The following PLA2G4A variants were observed in gnomAD, a reference collection of about 807,000 sequenced individuals.
PLA2G4A encodes the protein phospholipase A2 group IVA, also known as cytosolic phospholipase A2.
In PLA2G4A, 40 loss-of-function variants were observed where a neutral mutation model predicts 81.9. That is an observed-to-expected ratio of 0.49 (90% confidence interval 0.38 to 0.64). The LOEUF (loss-of-function observed/expected upper bound fraction) is 0.64, where lower values mean the gene tolerates loss of function less well. Among genes scored for constraint, PLA2G4A ranks in the 30% least tolerant of loss-of-function variants. The pLI is 0.00. For synonymous variants in PLA2G4A, 302 were observed against 296.9 expected, an observed-to-expected ratio of 1.02 and a Z score of -0.18; for missense variants, 715 against 905.1, an observed-to-expected ratio of 0.79 and a Z score of 2.69.
chr1:186,970,642 G>T (rs143337593), intron 15 of PLA2G4A, among the ~76,000 whole-genome samples: 1 of 151,832 alleles, frequency 6.6e-6, no homozygotes, highest in East Asian at 1.9e-4. Flanking sequence ...CAGTTTTCCC[G>T]GAACCATTTT....
Position 186,918,961 on chromosome 1 carries a change from C to G in PLA2G4A, c.558+7572C>G, listed in dbSNP as rs532748434. 7.2e-5 allele frequency among the ~76,000 whole-genome samples: 11 copies of G among 152,204 alleles called. No homozygotes were observed. In the East Asian group the frequency reaches 1.9e-3, roughly 27 times the overall value. ...CAGGGTCCTTAGACATAGTGGCCAG[C>G]CTTTGGAAACCCATCTAGTTGTTTT... On this transcript the variant is annotated intron_variant, in intron 7 of 17. Coordinates refer to ENST00000367466, the MANE Select transcript of PLA2G4A (RefSeq NM_024420.3).
rs533635399 is a variant in PLA2G4A at position 186,937,970 on chromosome 1, G to A, written c.696-1038G>A. Among the ~76,000 whole-genome samples the A allele has an allele frequency of 3.9e-5, 6 of 152,126 alleles. No individual in the cohort carries two copies. In the South Asian group the frequency reaches 6.2e-4, roughly 16 times the overall value. ...ATTAGTTTTCTCCCCTCGAAGGGAC[G>A]ATAACCATTATAGTAGACATTTTGA... On this transcript the variant is annotated intron_variant, in intron 8 of 17. Transcript: ENST00000367466.
chr1:186,845,102 C>T (rs756350042), intron 1 of PLA2G4A, among the ~76,000 whole-genome samples: 2 of 152,018 alleles, frequency 1.3e-5, no homozygotes, highest in Non-Finnish European at 1.5e-5. Context: ...CCATGCTAGT[C>T]GGGAGGCTGA....
At chr1:186,884,309 A>G (rs1166162770) in intron 3 of PLA2G4A, among the ~76,000 whole-genome samples, 1 of 148,716 alleles carries the variant, frequency 6.7e-6, no homozygotes, top group Non-Finnish European at 1.5e-5. Flanking sequence ...CTCAAAAGAG[A>G]AGTAGTAAGT....
chr1:186,982,786 C>T (rs530118769), intron 17 of PLA2G4A, among the ~76,000 whole-genome samples: 1 of 152,146 alleles, frequency 6.6e-6, no homozygotes, highest in African/African-American at 2.4e-5. Context: ...TTTAAGAAAA[C>T]ACATTTTTGG....
chr1:186,869,199 G>T (rs939250875), intron 2 of PLA2G4A, among the ~76,000 whole-genome samples: 1 of 151,690 alleles, frequency 6.6e-6, no homozygotes, highest in Non-Finnish European at 1.5e-5. Context: ...TGCTTTCAAG[G>T]CATCATTCAA....
chr1:186,953,014 T>G (rs1208887405), intron 13 of PLA2G4A, among the ~76,000 whole-genome samples: 1 of 152,214 alleles, frequency 6.6e-6, no homozygotes, highest in Non-Finnish European at 1.5e-5. Flanking sequence ...TGAATAAAAC[T>G]GCTAGAAAAA....
intron 1 of PLA2G4A, among the ~76,000 whole-genome samples, chr1:186,842,478 G>A (rs933144433): frequency 1.3e-5 from 2 of 152,030 alleles, no homozygotes; most frequent in Admixed American, 6.6e-5. Flanking sequence ...AACCTGTTAC[G>A]GGCTGAAATA....
chr1:186,983,720 G>A (rs988545905), intron 17 of PLA2G4A, among the ~76,000 whole-genome samples: 2 of 141,980 alleles, frequency 1.4e-5, no homozygotes, highest in Admixed American at 7.0e-5. Flanking sequence ...AAAACTTAAC[G>A]TATAGTGACT....
intron 14 of PLA2G4A, among the ~76,000 whole-genome samples, chr1:186,957,305 C>CTTATAAAATCGTTCCAAACTTTT: frequency 6.6e-6 from 1 of 152,286 alleles, no homozygotes; most frequent in Admixed American, 6.5e-5. Flanking sequence ...TCCAAACTTT[C>CTTATAAAATCGTTCCAAACTTTT]AGGAATTTAA....
chr1:186,836,572 A>G (rs964632359), intron 1 of PLA2G4A, among the ~76,000 whole-genome samples: 1 of 152,232 alleles, frequency 6.6e-6, no homozygotes, highest in African/African-American at 2.4e-5. Flanking sequence ...CAGGTATTGT[A>G]TGAAGCTATT....
chr1:186,934,457 T>C lies in PLA2G4A; in HGVS notation c.695+1558T>C, dbSNP rs1316087851. Reference sequence around the variant, plus strand: ...TTAAATGTGCACATATATATATATATATATATACATACACAGAGAGAGTAA... The same window carrying C: ...TTAAATGTGCACATATATATATATACATATATACATACACAGAGAGAGTAA... On this transcript the variant is annotated intron_variant, in intron 8 of 17. Transcript: ENST00000367466. 8.9e-3 allele frequency among the ~76,000 whole-genome samples: 913 copies of C among 102,044 alleles called. 23 individuals are homozygous for C. The highest frequency in any genetic ancestry group is 0.044 in the African/African-American group (884 of 20,286). The allele number at this position is 102,044 out of a possible 152,430, so 66.9% of individuals were successfully genotyped here.
intron 1 of PLA2G4A, among the ~76,000 whole-genome samples, chr1:186,847,149 T>C (rs1571329457): frequency 1.0e-4 from 1 of 9,764 alleles, no homozygotes; most frequent in South Asian, 6.8e-3. Flanking sequence ...ATAGACTATT[T>C]TATATTAACC....
intron 15 of PLA2G4A, among the ~76,000 whole-genome samples, chr1:186,971,032 A>T (rs1038575428): frequency 2.6e-5 from 4 of 151,834 alleles, no homozygotes; most frequent in African/African-American, 9.7e-5. Flanking sequence ...TACCAACATC[A>T]GTTAAATGTG....
chr1:186,936,331 T>C (rs544697912), intron 8 of PLA2G4A, among the ~76,000 whole-genome samples: 1 of 151,972 alleles, frequency 6.6e-6, no homozygotes, highest in Non-Finnish European at 1.5e-5. Flanking sequence ...GGTCAAGATA[T>C]GTGTTAGAGA....
chr1:186,870,639 T>C, intron 3 of PLA2G4A, 123 bp downstream of exon 3: 1 of 1,242,010 alleles, frequency 8.1e-7, no homozygotes, highest in Non-Finnish European at 1.2e-6. Flanking sequence ...GTCTAGATCT[T>C]TGAATGATAA....
At chr1:186,881,657 T>C (rs1035293065) in intron 3 of PLA2G4A, among the ~76,000 whole-genome samples, 2 of 152,060 alleles carry the variant, frequency 1.3e-5, no homozygotes, top group African/African-American at 4.8e-5. Flanking sequence ...AAATTAATAC[T>C]TACAAATAAA....
chr1:186,840,863 G>T (rs1363370145), intron 1 of PLA2G4A, among the ~76,000 whole-genome samples: 9 of 152,200 alleles, frequency 5.9e-5, no homozygotes, highest in African/African-American at 2.2e-4. Context: ...ATTAAAGAGG[G>T]AGTGGAACCC....
At chr1:186,942,364 A>T (rs1656184399) in intron 10 of PLA2G4A, among the ~76,000 whole-genome samples, 1 of 152,158 alleles carries the variant, frequency 6.6e-6, no homozygotes, top group Non-Finnish European at 1.5e-5. Context: ...CCCAGAAAGA[A>T]TTACATGGTC....
Sources: allele counts gnomAD v4.1 joint callset (sites outside exome capture counted in the v4.1 genomes callset), GRCh38; gene constraint gnomAD v4.1.1; transcripts MANE v1.5; gene names NCBI Gene and HGNC (gene_info 2026-07-23, HGNC 2026-07-21).